HTR2A: variants seen among roughly 807,000 people sequenced by gnomAD.
HTR2A encodes the protein 5-HT2 receptor.
HTR2A carries 14 observed loss-of-function variants against 31.0 expected under a neutral mutation model. The observed-to-expected ratio is 0.45, with a 90% confidence interval of 0.30 to 0.71. The LOEUF is 0.71. HTR2A is among the 30% of genes least tolerant of loss of function. The pLI, the probability that HTR2A is intolerant of heterozygous loss-of-function variation, is 0.09. For synonymous variants in HTR2A, 209 were observed against 225.2 expected, an observed-to-expected ratio of 0.93 and a Z score of 0.64; for missense variants, 442 against 573.3, an observed-to-expected ratio of 0.77 and a Z score of 2.34.
At chr13:46,868,003 T>A (rs973385457) in intron 3 of HTR2A, among the ~76,000 whole-genome samples, 1 of 151,732 alleles carries the variant, frequency 6.6e-6, no homozygotes, top group African/African-American at 2.4e-5. Context: ...GTTCATCAAT[T>A]GTCCCAGCAC....
intron 3 of HTR2A, among the ~76,000 whole-genome samples, chr13:46,873,263 T>C (rs1251308326): frequency 6.6e-6 from 1 of 151,984 alleles, no homozygotes; most frequent in Admixed American, 6.6e-5. Flanking sequence ...CACTTTTGTT[T>C]TTTATTCCAT....
intron 3 of HTR2A, among the ~76,000 whole-genome samples, chr13:46,855,865 C>T (rs746458289): frequency 2.0e-5 from 3 of 152,048 alleles, no homozygotes; most frequent in Non-Finnish European, 4.4e-5. Context: ...GGGTGGGGTC[C>T]GCAAAAGTAA....
intron 3 of HTR2A, among the ~76,000 whole-genome samples, chr13:46,843,666 C>T (rs1456488697): frequency 6.6e-6 from 1 of 152,082 alleles, no homozygotes; most frequent in East Asian, 1.9e-4. Context: ...GGGGAAGGGG[C>T]AATCTAAACG....
intron 3 of HTR2A, among the ~76,000 whole-genome samples, chr13:46,859,928 G>A (rs183794959): frequency 9.2e-5 from 14 of 152,184 alleles, no homozygotes; most frequent in Non-Finnish European, 1.8e-4. Flanking sequence ...TTAAGTTCAC[G>A]GCTAAAGAAC....
chr13:46,883,419 T>C (rs1950983020), intron 3 of HTR2A, among the ~76,000 whole-genome samples: 1 of 152,218 alleles, frequency 6.6e-6, no homozygotes, highest in Non-Finnish European at 1.5e-5. Context: ...AGACTGACGG[T>C]ACTTCAAAAT....
chr13:46,891,260 A>T (rs890041291), intron 3 of HTR2A, among the ~76,000 whole-genome samples: 1 of 152,212 alleles, frequency 6.6e-6, no homozygotes, highest in Non-Finnish European at 1.5e-5. Flanking sequence ...CACAAGTGTG[A>T]TTTGTTAGTG....
chr13:46,844,232 C>T (rs879682173), intron 3 of HTR2A, among the ~76,000 whole-genome samples: 3 of 152,066 alleles, frequency 2.0e-5, no homozygotes, highest in Non-Finnish European at 4.4e-5. Context: ...ATACTTAGAG[C>T]TTAGTAAATG....
chr13:46,893,574 C>T (rs906275335), intron 2 of HTR2A, among the ~76,000 whole-genome samples: 1 of 152,168 alleles, frequency 6.6e-6, no homozygotes, highest in African/African-American at 2.4e-5. Context: ...CTGAGGTGGA[C>T]ATCAAATGTC....
chr13:46,861,926 C>T (rs1415095442), intron 3 of HTR2A, among the ~76,000 whole-genome samples: 1 of 152,140 alleles, frequency 6.6e-6, no homozygotes, highest in African/African-American at 2.4e-5. Context: ...CAAAAGAACC[C>T]TAGATAATGA....
intron 3 of HTR2A, among the ~76,000 whole-genome samples, chr13:46,883,810 C>A (rs1195146922): frequency 6.6e-6 from 1 of 152,144 alleles, no homozygotes; most frequent in Non-Finnish European, 1.5e-5. Context: ...TATTCTTAAT[C>A]CAATGCTTCA....
intron 3 of HTR2A, among the ~76,000 whole-genome samples, chr13:46,875,282 A>C (rs1054028010): frequency 5.9e-5 from 9 of 152,156 alleles, no homozygotes; most frequent in Non-Finnish European, 1.3e-4. Flanking sequence ...TCATGAATCT[A>C]CCCCCACATA....
chr13:46,865,754 C>G (rs1950814004), intron 3 of HTR2A, among the ~76,000 whole-genome samples: 1 of 152,194 alleles, frequency 6.6e-6, no homozygotes, highest in Admixed American at 6.5e-5. Flanking sequence ...TATTGGACAA[C>G]ACAGAACTAT....
chr13:46,896,203 G>GT lies in HTR2A; in HGVS notation c.-298dup, dbSNP rs1340983039. ...GAACTTTTAGCATAGAGGTTGCAGG[G>GT]TTTTTTTTGAGCGCTCGGGAAGATA... is the stretch of plus-strand genomic sequence containing the variant. On this transcript the variant is annotated 5_prime_UTR_variant, in exon 2 of 4. An upstream open reading frame in the 5' UTR gains an earlier in-frame stop. Coordinates refer to ENST00000542664, the MANE Select transcript of HTR2A (RefSeq NM_000621.5). 101 of 1,151,802 alleles carry GT rather than the reference G, an allele frequency of 8.8e-5. No homozygotes were observed. The highest frequency in any genetic ancestry group is 7.1e-4 in the Middle Eastern group (2 of 2,808). The allele number at this position is 1,151,802 out of a possible 1,614,324, so 71.3% of individuals were successfully genotyped here.
intron 3 of HTR2A, among the ~76,000 whole-genome samples, chr13:46,869,754 A>T (rs34420017): frequency 1.3e-5 from 2 of 152,062 alleles, no homozygotes; most frequent in Non-Finnish European, 2.9e-5. Context: ...TCTGATATGT[A>T]CTATACTACA....
chr13:46,842,982 A>G (rs1950611710), intron 3 of HTR2A, among the ~76,000 whole-genome samples: 1 of 152,238 alleles, frequency 6.6e-6, no homozygotes, highest in Non-Finnish European at 1.5e-5. Flanking sequence ...TTACATTGTT[A>G]ACTGTTCTGA....
At chr13:46,875,809 C>A (rs1389865347) in intron 3 of HTR2A, among the ~76,000 whole-genome samples, 1 of 152,134 alleles carries the variant, frequency 6.6e-6, no homozygotes, top group Non-Finnish European at 1.5e-5. Context: ...AAGTGGCTCT[C>A]CAAAAGTAAT....
chr13:46,859,944 C>T (rs186594201), intron 3 of HTR2A, among the ~76,000 whole-genome samples: 281 of 152,278 alleles, frequency 1.8e-3, no homozygotes, highest in African/African-American at 6.5e-3. Context: ...AGAACAGTCA[C>T]GATTCCTGTT....
chr13:46,848,493 G>A (rs552705822), intron 3 of HTR2A, among the ~76,000 whole-genome samples: 9 of 152,224 alleles, frequency 5.9e-5, no homozygotes, highest in African/African-American at 2.2e-4. Flanking sequence ...TAAAAAGTGG[G>A]GGAAAACCCC....
chr13:46,859,506 G>A (rs1285855705), intron 3 of HTR2A, among the ~76,000 whole-genome samples: 3 of 152,166 alleles, frequency 2.0e-5, no homozygotes, highest in Non-Finnish European at 4.4e-5. Context: ...ATGTGGAGGT[G>A]GGGCTGGTGG....
Sources: gnomAD v4.1 joint callset for allele counts (sites outside exome capture counted in the v4.1 genomes callset) on GRCh38, gnomAD v4.1.1 for gene constraint, MANE v1.5 for transcripts, NCBI Gene and HGNC (gene_info 2026-07-23, HGNC 2026-07-21) for gene names.